The following CCDC122 variants were observed in gnomAD, a reference collection of about 807,000 sequenced individuals.
CCDC122 encodes coiled-coil domain-containing protein 122.
In CCDC122, 38 loss-of-function variants were observed where a neutral mutation model predicts 37.0. The ratio of observed to expected loss-of-function variants is 1.03; its 90% CI spans 0.79 to 1.35. The LOEUF (loss-of-function observed/expected upper bound fraction) is 1.35. CCDC122 is among the 40% of genes most tolerant of loss of function. The probability of loss-of-function intolerance (pLI) is 0.00; values close to 1 mark genes in which losing one functional copy is unlikely to be tolerated. For missense variants in CCDC122, 305 were observed against 310.0 expected (o/e 0.98, Z 0.12); for synonymous variants, 83 against 95.6 (o/e 0.87, Z 0.77).
In CCDC122 at chr13:43,859,844, T is replaced by C. The variant is rs1292506349; in HGVS notation, c.383A>G (p.Tyr128Cys). The C allele has an allele frequency of 6.2e-7, 1 of 1,607,580 alleles. No homozygotes were observed. Among genetic ancestry groups the C allele is most frequent in the Non-Finnish European group, 8.5e-7 (1 of 1,177,752 alleles). ...FEEHMIKYNAYYAKIKAHKNS... is the reference protein window; with the variant it reads ...FEEHMIKYNACYAKIKAHKNS... ...TTTATGTGCTTTTATTTTTGCATAA[T>C]ATGCATTATATTTTATCATGTGTTC... The change falls in exon 5 of 7, where the codon TAT (tyrosine) becomes TGT (cysteine). Residue 128 changes from tyrosine to cysteine, a missense_variant. Transcript: ENST00000444614.
At chr13:43,861,002 G>A (rs564111196) in intron 4 of CCDC122, among the ~76,000 whole-genome samples, 2 of 152,306 alleles carry the variant, frequency 1.3e-5, no homozygotes, top group East Asian at 3.9e-4. Context: ...ATGACTAGGA[G>A]CAGCTGAGGT....
intron 6 of CCDC122, among the ~76,000 whole-genome samples, chr13:43,850,348 G>A (rs1402600095): frequency 3.3e-5 from 5 of 152,064 alleles, no homozygotes; most frequent in South Asian, 2.1e-4. Context: ...TGCACCACAC[G>A]AACATAACAC....
intron 6 of CCDC122, among the ~76,000 whole-genome samples, chr13:43,844,104 T>G (rs1361343954): frequency 6.6e-6 from 1 of 151,748 alleles, no homozygotes; most frequent in East Asian, 1.9e-4. Context: ...ATTTTTCTAG[T>G]CTGTGATGGT....
At chr13:43,868,650 T>C in intron 4 of CCDC122, 44 bp downstream of exon 4, 1 of 1,024,694 alleles carries the variant, frequency 9.8e-7, no homozygotes, top group South Asian at 1.7e-5. Context: ...TCATTTACTT[T>C]TGAAGAAAGT....
At chr13:43,846,444 A>T (rs115004080) in intron 6 of CCDC122, among the ~76,000 whole-genome samples, 224 of 152,274 alleles carry the variant, frequency 1.5e-3, no homozygotes, top group African/African-American at 5.1e-3. Context: ...GAAAACTCTG[A>T]ATTGTGTTAC....
Position 43,828,330 on chromosome 13 carries a change from G to A in CCDC122, n.602-4319C>T, listed in dbSNP as rs1838649. 8.4e-3 allele frequency among the ~76,000 whole-genome samples: 1,279 copies of A among 152,164 alleles called. 13 individuals carry two copies. The highest frequency in any genetic ancestry group is 0.027 in the African/African-American group (1,135 of 41,514). On this transcript the variant is annotated intron_variant and non_coding_transcript_variant, in intron 3 of 3. Coordinates refer to the CCDC122 transcript ENST00000470137. ...TCTGCTAGCTGGTGGAGATTACAAC[G>A]GAGAATAAAATAGGAATGTTTCGAG...
At chr13:43,836,109 A>G (rs560719855), downstream of CCDC122, among the ~76,000 whole-genome samples, 1 of 152,352 alleles carries the variant, frequency 6.6e-6, no homozygotes, top group East Asian at 1.9e-4. Context: ...TGCTGTTTGA[A>G]ATTATTTAAT....
intron 6 of CCDC122, among the ~76,000 whole-genome samples, chr13:43,857,549 T>C (rs1953958663): frequency 6.6e-6 from 1 of 152,030 alleles, no homozygotes; most frequent in Non-Finnish European, 1.5e-5. Flanking sequence ...TCCATAGAGG[T>C]AATCTATTTT....
intron 4 of CCDC122, among the ~76,000 whole-genome samples, chr13:43,860,961 A>G (rs1166058822): frequency 2.6e-5 from 4 of 152,222 alleles, no homozygotes; most frequent in Non-Finnish European, 5.9e-5. Flanking sequence ...CCTCAGTAGC[A>G]TACAACAATA....
At chr13:43,834,367 C>A (rs1288972513), downstream of CCDC122, among the ~76,000 whole-genome samples, 1 of 152,166 alleles carries the variant, frequency 6.6e-6, no homozygotes, top group Non-Finnish European at 1.5e-5. Flanking sequence ...TAGAAGAAAA[C>A]CTGGGCAATA....
intron 2 of CCDC122, among the ~76,000 whole-genome samples, chr13:43,869,937 G>C (rs1457983641): frequency 2.6e-5 from 4 of 151,988 alleles, no homozygotes; most frequent in Non-Finnish European, 4.4e-5. Context: ...TCTGGAGAGG[G>C]CAGGCCCTAA....
chr13:43,847,276 TGTTTGTGTGTACCATTAATAAGAG>T (rs1328842531), intron 6 of CCDC122, among the ~76,000 whole-genome samples: 3 of 152,304 alleles, frequency 2.0e-5, no homozygotes, highest in South Asian at 2.1e-4. Context: ...CAGGGGTTTG[TGTTTGTGTGTACCATTAATAAGAG>T]GTTTGTGTGT....
chr13:43,841,684 T>G (rs143118476), intron 6 of CCDC122, among the ~76,000 whole-genome samples: 37 of 152,344 alleles, frequency 2.4e-4, no homozygotes, highest in Middle Eastern at 3.4e-3. Flanking sequence ...ATATTTTTAC[T>G]TTTGTGATTC....
intron 4 of CCDC122, among the ~76,000 whole-genome samples, chr13:43,868,365 C>T (rs910652905): frequency 6.6e-6 from 1 of 152,130 alleles, no homozygotes; most frequent in South Asian, 2.1e-4. Context: ...CATAGCTTTA[C>T]AAACACTGGC....
chr13:43,847,481 G>C (rs1399344707), intron 6 of CCDC122, among the ~76,000 whole-genome samples: 1 of 152,068 alleles, frequency 6.6e-6, no homozygotes, highest in African/African-American at 2.4e-5. Context: ...AACAGGTTTG[G>C]ATTCATATCC....
At chr13:43,835,211 C>CA (rs1953132946), downstream of CCDC122, among the ~76,000 whole-genome samples, 1 of 151,914 alleles carries the variant, frequency 6.6e-6, no homozygotes, top group Non-Finnish European at 1.5e-5. Flanking sequence ...ATTGCAAGGA[C>CA]AAAAAACCAA....
downstream of CCDC122, among the ~76,000 whole-genome samples, chr13:43,833,583 C>T (rs1185425159): frequency 2.0e-5 from 3 of 152,162 alleles, no homozygotes; most frequent in Non-Finnish European, 4.4e-5. Flanking sequence ...AGCATTCAGA[C>T]AGATAATGAA....
At position 43,859,681 on chromosome 13, in the gene CCDC122, T is replaced by C. The variant is rs1270651341; in HGVS notation, c.546A>G (p.Thr182=). The change falls in exon 5 of 7, where the codon ACA becomes ACG. Residue 182 remains threonine (T), a synonymous_variant. Coordinates refer to ENST00000444614, the MANE Select transcript of CCDC122 (RefSeq NM_144974.5). ...DLQNPGGNRI[T]QVQEDITNLK... is the part of the protein sequence containing the mutation. ...AAGTAATTTTGCACACCTGTACTTGTGTTATTCGGTTCCCTCCTGGATTTT... is the reference window on the plus strand; with the variant it reads ...AAGTAATTTTGCACACCTGTACTTGCGTTATTCGGTTCCCTCCTGGATTTT... The C allele has an allele frequency of 1.3e-6, 2 of 1,545,752 alleles. No individual in the cohort carries two copies. Among genetic ancestry groups the C allele is most frequent in the East Asian group, 2.3e-5 (1 of 43,500 alleles).
At chr13:43,845,639 G>C (rs1953497283) in intron 6 of CCDC122, among the ~76,000 whole-genome samples, 1 of 152,226 alleles carries the variant, frequency 6.6e-6, no homozygotes, top group South Asian at 2.1e-4. Flanking sequence ...TGGAGCCCGG[G>C]AGGCAGAGGC....
Sources: allele counts gnomAD v4.1 joint callset (sites outside exome capture counted in the v4.1 genomes callset), GRCh38; gene constraint gnomAD v4.1.1; transcripts MANE v1.5; gene names NCBI Gene and HGNC (gene_info 2026-07-23, HGNC 2026-07-21).